PLD5: variants seen among roughly 807,000 people sequenced by gnomAD.
The protein encoded by PLD5 is phospholipase D family member 5, also known as inactive phospholipase D5.
Under a neutral mutation model 61.1 loss-of-function variants are expected in PLD5, and 36 were observed. The ratio of observed to expected loss-of-function variants is 0.59; its 90% CI spans 0.45 to 0.78. The LOEUF (loss-of-function observed/expected upper bound fraction) is 0.78. Among genes scored for constraint, PLD5 ranks in the 30% least tolerant of loss-of-function variants. PLD5 has a pLI of 0.00. For synonymous variants in PLD5, 243 were observed against 242.8 expected, an observed-to-expected ratio of 1.00 and a Z score of -0.01; for missense variants, 515 against 644.4, an observed-to-expected ratio of 0.80 and a Z score of 2.17.
At chr1:242,307,234 G>T (rs1676422891) in intron 2 of PLD5, among the ~76,000 whole-genome samples, 1 of 152,174 alleles carries the variant, frequency 6.6e-6, no homozygotes, top group South Asian at 2.1e-4. Context: ...GCTCAACTTA[G>T]AAAAAGGTGA....
At chr1:242,394,166 A>ATATGTG in intron 1 of PLD5, among the ~76,000 whole-genome samples, 1 of 97,908 alleles carries the variant, frequency 1.0e-5, no homozygotes, top group East Asian at 2.6e-4. Flanking sequence ...ATATGAGTAT[A>ATATGTG]TATATGTGTA....
At chr1:242,465,519 T>C (rs200034486) in intron 1 of PLD5, among the ~76,000 whole-genome samples, 1 of 152,222 alleles carries the variant, frequency 6.6e-6, no homozygotes, top group East Asian at 1.9e-4. Flanking sequence ...AGGCTCTGCA[T>C]GATCTTGTTT....
intron 3 of PLD5, among the ~76,000 whole-genome samples, chr1:242,278,716 T>C (rs1398567705): frequency 6.6e-6 from 1 of 152,202 alleles, no homozygotes; most frequent in Non-Finnish European, 1.5e-5. Flanking sequence ...TTGAGCTCTA[T>C]GGAGGTAGCG....
chr1:242,158,334 G>A (rs895942376), intron 5 of PLD5, among the ~76,000 whole-genome samples: 1 of 152,084 alleles, frequency 6.6e-6, no homozygotes, highest in Non-Finnish European at 1.5e-5. Context: ...TGTCTCGCTG[G>A]CCTCCCAGGC....
At chr1:242,397,829 A>G (rs1663688215) in intron 1 of PLD5, among the ~76,000 whole-genome samples, 1 of 150,790 alleles carries the variant, frequency 6.6e-6, no homozygotes, top group Non-Finnish European at 1.5e-5. Context: ...GAGTTCCTAG[A>G]ACACAGCAGG....
At chr1:242,103,320 G>T (rs924549572) in intron 8 of PLD5, among the ~76,000 whole-genome samples, 2 of 152,198 alleles carry the variant, frequency 1.3e-5, no homozygotes, top group Non-Finnish European at 2.9e-5. Context: ...CCTGGGTTCT[G>T]CCCTGTCCCC....
chr1:242,100,896 T>C (rs1225997702), intron 8 of PLD5, 114 bp from the exon 9 acceptor site: 3 of 682,338 alleles, frequency 4.4e-6, no homozygotes. Context: ...AGTTGGGTTA[T>C]GAAAGCCATA....
Position 242,265,445 on chromosome 1 carries a change from G to T in PLD5, c.499C>A (p.Gln167Lys), listed in dbSNP as rs752229269. Residue 167 changes from glutamine (Q) to lysine (K), a missense_variant, in exon 4 of 10, where the codon CAA becomes AAA. Around this residue, in one of 2 missense-constraint regions of PLD5, gnomAD observed 450 missense variants for 598.1 expected, o/e 0.75. Coordinates refer to ENST00000536534, the MANE Select transcript of PLD5 (RefSeq NM_001372062.1). ...TGGAGCAACTTTTCAAAAAGACGTT[G>T]ACCCTGGAAAAAATATTCAGAGACA... ...NHTHPSACQG[Q>K]RLFEKLLQLT... 5.6e-6 allele frequency: 9 copies of T among 1,602,266 alleles called. No individual in the cohort carries two copies. The highest frequency in any genetic ancestry group is 2.2e-5 in the South Asian group (2 of 88,910).
intron 2 of PLD5, among the ~76,000 whole-genome samples, chr1:242,340,382 G>C (rs755281285): frequency 8.6e-5 from 13 of 151,984 alleles, no homozygotes; most frequent in Non-Finnish European, 1.6e-4. Context: ...AGTTGGGTTT[G>C]TCAATACAAA....
intron 5 of PLD5, among the ~76,000 whole-genome samples, chr1:242,160,556 T>A (rs1312180755): frequency 2.6e-5 from 4 of 152,268 alleles, no homozygotes; most frequent in Admixed American, 6.5e-5. Flanking sequence ...TTATTGAGCC[T>A]TTCATGATTT....
chr1:242,396,186 T>C (rs2810040), intron 1 of PLD5, among the ~76,000 whole-genome samples: 85,537 of 151,966 alleles, frequency 0.56, 24,519 homozygotes, highest in Admixed American at 0.67. Flanking sequence ...TGGATGAGCC[T>C]CTTCTACACT....
intron 4 of PLD5, among the ~76,000 whole-genome samples, chr1:242,245,337 A>T (rs1672293183): frequency 6.6e-6 from 1 of 152,228 alleles, no homozygotes; most frequent in South Asian, 2.1e-4. Flanking sequence ...TTAAGGGAAC[A>T]CAGAAGCATA....
At position 242,462,100 on chromosome 1, in the gene PLD5, T is replaced by C. The variant is rs1280845626; in HGVS notation, c.189+61988A>G. On this transcript the variant is annotated intron_variant, in intron 1 of 9. Coordinates refer to ENST00000536534, the MANE Select transcript of PLD5 (RefSeq NM_001372062.1). ...ATTAGGTCCCACTTGTCCATTTTTG[T>C]TTTTGTTGCAATTGCTTTTGAGGGC... Among the ~76,000 whole-genome samples the C allele has an allele frequency of 2.0e-5, 3 of 152,328 alleles. No individual in the cohort carries two copies. In the South Asian group the frequency reaches 6.2e-4, roughly 32 times the overall value.
chr1:242,397,760 G>C (rs1190494118), intron 1 of PLD5, among the ~76,000 whole-genome samples: 1 of 146,880 alleles, frequency 6.8e-6, no homozygotes, highest in Non-Finnish European at 1.5e-5. Flanking sequence ...GAGCTTCTTA[G>C]CACGTCTTTT....
chr1:242,195,250 G>A (rs914549630), intron 5 of PLD5, among the ~76,000 whole-genome samples: 2 of 152,180 alleles, frequency 1.3e-5, no homozygotes, highest in Non-Finnish European at 2.9e-5. Context: ...CTGTCCTGGA[G>A]AGTTCCGCAT....
intron 2 of PLD5, among the ~76,000 whole-genome samples, chr1:242,330,638 T>C (rs1429038458): frequency 2.0e-5 from 3 of 152,164 alleles, no homozygotes; most frequent in Admixed American, 1.3e-4. Flanking sequence ...TCACACAAAG[T>C]AGACCTTTAT....
chr1:242,347,908 A>G (rs1241857675), intron 2 of PLD5, among the ~76,000 whole-genome samples, 198 bp downstream of exon 2: 4 of 152,300 alleles, frequency 2.6e-5, no homozygotes, highest in African/African-American at 9.6e-5. Context: ...ATATGACCAG[A>G]TTGTAAAGTG....
At chr1:242,420,348 G>A (rs1391309522) in intron 1 of PLD5, among the ~76,000 whole-genome samples, 1 of 152,090 alleles carries the variant, frequency 6.6e-6, no homozygotes, top group African/African-American at 2.4e-5. Flanking sequence ...CTCCTGCTGG[G>A]AATGGTTTCT....
rs748175841 is a variant in PLD5 at position 242,112,283 on chromosome 1, C to CTGTGTGTGTGTG, written c.1070+1595_1070+1606dup. Among the ~76,000 whole-genome samples the CTGTGTGTGTGTG allele has an allele frequency of 1.3e-3, 158 of 119,726 alleles. 1 individual carries two copies. The highest frequency in any genetic ancestry group is 4.5e-3 in the Middle Eastern group (1 of 222). The allele number at this position is 119,726 out of a possible 152,430, so 78.5% of individuals were successfully genotyped here. On this transcript the variant is annotated intron_variant, in intron 7 of 9. Coordinates refer to ENST00000536534, the MANE Select transcript of PLD5 (RefSeq NM_001372062.1). Reference sequence around the variant, plus strand: ...AATCCATGAATGTCCAAAGGATGCACTGTGTGTGTGTGTGTGTGTGTGTGT... The same window carrying CTGTGTGTGTGTG: ...AATCCATGAATGTCCAAAGGATGCACTGTGTGTGTGTGTGTGTGTGTGTGTGTGTGTGTGTGT...
Sources: gnomAD v4.1 joint callset for allele counts (sites outside exome capture counted in the v4.1 genomes callset) on GRCh38, gnomAD v4.1.1 for gene constraint, gnomAD v4.1.1 regional missense constraint, MANE v1.5 for transcripts, NCBI Gene and HGNC (gene_info 2026-07-23, HGNC 2026-07-21) for gene names.